ASXL2: variants seen among roughly 807,000 people sequenced by gnomAD.
ASXL2 encodes putative Polycomb group protein ASXL2.
In ASXL2, 23 loss-of-function variants were observed where a neutral mutation model predicts 122.0. The observed-to-expected ratio is 0.19, with a 90% CI of 0.14 to 0.27. ASXL2 has a LOEUF of 0.27. Ranked by LOEUF, ASXL2 falls within the 10% of genes least tolerant of loss-of-function variation. The pLI is 1.00. For missense variants in ASXL2, 1,518 were observed against 1,713.8 expected, an observed-to-expected ratio of 0.89 and a Z score of 2.02; for synonymous variants, 650 against 637.0, an observed-to-expected ratio of 1.02 and a Z score of -0.31.
chr2:25,734,953 G>C lies in ASXL2; in HGVS notation c.*7076C>G, dbSNP rs192382448. ...AAATCCATTTAAAACCAAATTCCAG[G>C]TTATCTTTCTTCTCCCTAAGGCATC... On this transcript the variant is annotated 3_prime_UTR_variant, in exon 13 of 13. Transcript: ENST00000435504. The C allele has an allele frequency of 9.2e-5, 14 of 152,230 alleles. No individual in the cohort carries two copies. The East Asian group carries it at 2.5e-3, about 27-fold the overall frequency. The allele number at this position is 152,230 out of a possible 1,614,324, so 9.4% of individuals were successfully genotyped here. A position where few individuals can be genotyped will look rare whatever the true frequency, so the allele number is the denominator to read the frequency against.
intron 1 of ASXL2, among the ~76,000 whole-genome samples, chr2:25,866,668 A>T (rs2089907423): frequency 6.6e-6 from 1 of 152,200 alleles, no homozygotes; most frequent in Admixed American, 6.5e-5. Flanking sequence ...AACCAATAAC[A>T]AGACAGCTTT....
At chr2:25,868,391 A>T (rs1173476137) in intron 1 of ASXL2, among the ~76,000 whole-genome samples, 1 of 152,260 alleles carries the variant, frequency 6.6e-6, no homozygotes, top group Non-Finnish European at 1.5e-5. Context: ...AGAAATTTTC[A>T]AATGAAAAGT....
Position 25,783,723 on chromosome 2 carries a change from A to T in ASXL2, c.404-12183T>A, listed in dbSNP as rs2088686022. Among the ~76,000 whole-genome samples, 5 of 152,038 alleles carry T rather than the reference A, an allele frequency of 3.3e-5. No homozygotes were observed. In the South Asian group the frequency reaches 1.0e-3, roughly 32 times the overall value. On this transcript the variant is annotated intron_variant, in intron 5 of 12. Transcript: ENST00000435504. ...GCGGGTGGGATCACTTGAGTTCGAG[A>T]CCAGCCTGGGCAACGTGGCAAAATC...
In ASXL2 at chr2:25,743,935, A is replaced by G. The variant is rs1225309260; in HGVS notation, c.2402T>C (p.Leu801Ser). ...GGTGGGGTTCAGTTTTTCATTATCC[A>G]ATTTCTCTATGTGGGCTGGTGATGG... ...SVPSPAHIEK[L>S]DNEKLNPTRA... Residue 801 changes from leucine (L) to serine (S), a missense_variant, in exon 13 of 13, where the codon TTG (leucine) becomes TCG (serine). Around this residue, in one of 8 missense-constraint regions of ASXL2, gnomAD observed 831 missense variants for 833.1 expected, o/e 1.00. Coordinates refer to ENST00000435504, the MANE Select transcript of ASXL2 (RefSeq NM_018263.6). 6.2e-7 allele frequency: 1 copy of G among 1,613,740 alleles called. No homozygotes were observed. Among genetic ancestry groups the G allele is most frequent in the Non-Finnish European group, 8.5e-7 (1 of 1,179,826 alleles).
chr2:25,812,390 G>A (rs1316210152), intron 3 of ASXL2, among the ~76,000 whole-genome samples: 1 of 152,076 alleles, frequency 6.6e-6, no homozygotes, highest in Non-Finnish European at 1.5e-5. Flanking sequence ...AAACTGGGAG[G>A]TGGAAGTTGC....
chr2:25,821,615 G>A (rs1203358774), intron 3 of ASXL2, among the ~76,000 whole-genome samples: 1 of 152,104 alleles, frequency 6.6e-6, no homozygotes, highest in Non-Finnish European at 1.5e-5. Context: ...GCCACTGCCT[G>A]GCCTGTTCCC....
chr2:25,743,079 T>TG lies in ASXL2; in HGVS notation c.3257dup (p.Gln1087ThrfsTer53). 1 of 1,614,012 alleles carries TG rather than the reference T, an allele frequency of 6.2e-7. No homozygotes were observed. The highest frequency in any genetic ancestry group is 1.1e-5 in the South Asian group (1 of 91,082). The stretch of plus-strand genomic sequence containing the variant: ...AACCTGAGTGAGCGAAGTTGAACTG[T>TG]GAGGGCGGCACAACTGAGAGAAGAT... On this transcript the variant is annotated frameshift_variant, in exon 13 of 13. Coordinates refer to ENST00000435504, the MANE Select transcript of ASXL2 (RefSeq NM_018263.6). LOFTEE classifies it high-confidence loss of function.
At chr2:25,760,141 G>A (rs2088216658) in intron 8 of ASXL2, among the ~76,000 whole-genome samples, 1 of 151,290 alleles carries the variant, frequency 6.6e-6, no homozygotes, top group African/African-American at 2.4e-5. Flanking sequence ...CAACCAGAAG[G>A]TTACAATCTT....
chr2:25,833,037 T>C (rs1280559166), intron 3 of ASXL2, among the ~76,000 whole-genome samples: 1 of 152,192 alleles, frequency 6.6e-6, no homozygotes, highest in Non-Finnish European at 1.5e-5. Flanking sequence ...CAAGGGGTAC[T>C]AGGGAAGTAC....
chr2:25,825,009 G>C (rs1264117382), intron 3 of ASXL2, among the ~76,000 whole-genome samples: 1 of 152,152 alleles, frequency 6.6e-6, no homozygotes, highest in Non-Finnish European at 1.5e-5. Context: ...AAAGGCTCTT[G>C]CCAAAACTCT....
At chr2:25,874,774 C>T (rs1374657646) in intron 1 of ASXL2, among the ~76,000 whole-genome samples, 1 of 152,196 alleles carries the variant, frequency 6.6e-6, no homozygotes, top group African/African-American at 2.4e-5. Flanking sequence ...ACCATCACTA[C>T]TGCCCTTAAA....
At chr2:25,808,656 T>C (rs2089119484) in intron 3 of ASXL2, among the ~76,000 whole-genome samples, 1 of 152,236 alleles carries the variant, frequency 6.6e-6, no homozygotes. Flanking sequence ...AGTATTACTT[T>C]TGCCTGTATC....
intron 1 of ASXL2, among the ~76,000 whole-genome samples, chr2:25,860,579 C>A (rs2089832745): frequency 6.6e-6 from 1 of 151,680 alleles, no homozygotes; most frequent in African/African-American, 2.4e-5. Flanking sequence ...GGCGTGGTGG[C>A]ACATGCCTGT....
At chr2:25,837,862 A>T (rs1274560468) in intron 2 of ASXL2, among the ~76,000 whole-genome samples, 2 of 151,782 alleles carry the variant, frequency 1.3e-5, no homozygotes, top group Non-Finnish European at 2.9e-5. Flanking sequence ...CATGCCTGTA[A>T]ACCCAGCACT....
At chr2:25,829,283 T>TAC (rs1403004304) in intron 3 of ASXL2, among the ~76,000 whole-genome samples, 24 of 145,906 alleles carry the variant, frequency 1.6e-4, no homozygotes, top group African/African-American at 5.8e-4. Context: ...GGGAGACACA[T>TAC]ACACATACAC....
intron 8 of ASXL2, 107 bp from the exon 9 acceptor site, chr2:25,759,752 A>G (rs1322476842): frequency 1.8e-6 from 2 of 1,136,492 alleles, no homozygotes; most frequent in Non-Finnish European, 2.5e-6. Context: ...AAGCATTTAA[A>G]TATCACACTA....
At chr2:25,841,205 G>T (rs1044391016) in intron 2 of ASXL2, among the ~76,000 whole-genome samples, 14 of 152,108 alleles carry the variant, frequency 9.2e-5, no homozygotes, top group Non-Finnish European at 1.8e-4. Context: ...CTGAGGTCAT[G>T]GGACTGCTTG....
In ASXL2 at chr2:25,742,875, G is replaced by T. The variant is rs1188447400; in HGVS notation, c.3462C>A (p.Ser1154Arg). 6.2e-7 allele frequency: 1 copy of T among 1,613,948 alleles called. No homozygotes were observed. The highest frequency in any genetic ancestry group is 1.7e-5 in the Admixed American group (1 of 60,016). Residue 1154 changes from serine to arginine, a missense_variant, in exon 13 of 13, where the codon AGC (serine) becomes AGA (arginine). Around this residue, in one of 8 missense-constraint regions of ASXL2, gnomAD observed 831 missense variants for 833.1 expected, o/e 1.00. Transcript: ENST00000435504. ...ATCCCATTTTCAAGGCTTCAGTGGGGCTGCTTAGACAAAAACGATCTTCAG... is the reference window on the plus strand; with the variant it reads ...ATCCCATTTTCAAGGCTTCAGTGGGTCTGCTTAGACAAAAACGATCTTCAG... ...VNPEDRFCLS[S>R]PTEALKMGYT...
intron 3 of ASXL2, among the ~76,000 whole-genome samples, chr2:25,829,451 AC>A (rs1344906308): frequency 6.6e-6 from 1 of 152,210 alleles, no homozygotes; most frequent in African/African-American, 2.4e-5. Context: ...AATTAAGTAA[AC>A]CAAAAGACAG....
Sources: gnomAD v4.1 joint callset for allele counts (sites outside exome capture counted in the v4.1 genomes callset) on GRCh38, gnomAD v4.1.1 for gene constraint, gnomAD v4.1.1 regional missense constraint, MANE v1.5 for transcripts, NCBI Gene and HGNC (gene_info 2026-07-23, HGNC 2026-07-21) for gene names.